The following CACNG5 variants were observed in gnomAD, a reference collection of about 807,000 sequenced individuals.
CACNG5 encodes calcium voltage-gated channel auxiliary subunit gamma 5.
Under a neutral mutation model 24.8 loss-of-function variants are expected in CACNG5, and 18 were observed. The observed-to-expected ratio is 0.73, with a 90% CI of 0.50 to 1.08. CACNG5 has a LOEUF of 1.08. Among genes scored for constraint, CACNG5 ranks in the 50% least tolerant of loss-of-function variants. CACNG5 has a pLI of 0.00. For synonymous variants in CACNG5, 157 were observed against 149.1 expected (o/e 1.05, Z -0.39); for missense variants, 349 against 367.9 (o/e 0.95, Z 0.42).
intron 1 of CACNG5, among the ~76,000 whole-genome samples, chr17:66,838,027 G>C (rs568608775): frequency 2.6e-5 from 4 of 152,092 alleles, no homozygotes; most frequent in Admixed American, 6.5e-5. Context: ...CAAAAGCATC[G>C]TTTCTTTTCA....
At chr17:66,843,691 G>T (rs149542724) in intron 1 of CACNG5, among the ~76,000 whole-genome samples, 1 of 152,212 alleles carries the variant, frequency 6.6e-6, no homozygotes, top group East Asian at 1.9e-4. Context: ...TCCATGAGCC[G>T]TTCGTGGGTG....
chr17:66,856,536 C>A (rs1322324130), intron 1 of CACNG5, among the ~76,000 whole-genome samples: 1 of 119,922 alleles, frequency 8.3e-6, no homozygotes, highest in Non-Finnish European at 1.7e-5. Context: ...CCTCGTGTTG[C>A]CCCCCCGCCT....
intron 1 of CACNG5, among the ~76,000 whole-genome samples, chr17:66,847,173 G>A (rs1329615870): frequency 6.6e-6 from 1 of 152,156 alleles, no homozygotes; most frequent in Non-Finnish European, 1.5e-5. Context: ...GCTCCTGTCT[G>A]TGTACCTGGC....
chr17:66,882,525 A>G (rs1977174505), intron 4 of CACNG5, among the ~76,000 whole-genome samples: 1 of 152,002 alleles, frequency 6.6e-6, no homozygotes, highest in African/African-American at 2.4e-5. Context: ...TGAGAAGGGG[A>G]AAGAAAACAG....
chr17:66,885,236 G>C lies in CACNG5; in HGVS notation c.824G>C (p.Cys275Ser), dbSNP rs1269749568. The C allele has an allele frequency of 6.3e-7, 1 of 1,577,698 alleles. No homozygotes were observed. The highest frequency in any genetic ancestry group is 1.2e-5 in the South Asian group (1 of 86,646). Residue 275 changes from cysteine to serine, a missense_variant, in exon 6 of 6, where the codon TGC becomes TCC. Cys to Ser is a moderately radical substitution (Grantham distance 112). Transcript: ENST00000533854. ...PDYDQMSSSP[C>S] is the part of the protein sequence containing the mutation. ...TATGATCAGATGTCCTCTTCACCCT[G>C]CTGAGCCTCGGCCGCCCCCATCCCT...
chr17:66,889,144 A>G lies in CACNG5; in HGVS notation c.*3904A>G, dbSNP rs1037658087. 2.6e-5 allele frequency among the ~76,000 whole-genome samples: 4 copies of G among 152,174 alleles called. No homozygotes were observed. Among genetic ancestry groups the G allele is most frequent in the Non-Finnish European group, 4.4e-5 (3 of 68,036 alleles). On this transcript the variant is annotated 3_prime_UTR_variant, in exon 6 of 6. Transcript: ENST00000533854. ...CCCAGCTAATTTTTTAATTTTTAGTAGAGATGGGGTTTCCCCATGTTGGCC... is the reference window on the plus strand; with the variant it reads ...CCCAGCTAATTTTTTAATTTTTAGTGGAGATGGGGTTTCCCCATGTTGGCC...
intron 1 of CACNG5, among the ~76,000 whole-genome samples, chr17:66,864,660 T>C (rs1304997464): frequency 6.6e-6 from 1 of 152,250 alleles, no homozygotes; most frequent in Non-Finnish European, 1.5e-5. Flanking sequence ...ATTTATTTTT[T>C]CATCAGCATC....
At chr17:66,842,264 G>A (rs1338973827) in intron 1 of CACNG5, among the ~76,000 whole-genome samples, 1 of 152,202 alleles carries the variant, frequency 6.6e-6, no homozygotes, top group Non-Finnish European at 1.5e-5. Flanking sequence ...TTTATATCTG[G>A]CCTGTACCAC....
chr17:66,838,735 G>A (rs1976518857), intron 1 of CACNG5, among the ~76,000 whole-genome samples: 1 of 152,090 alleles, frequency 6.6e-6, no homozygotes, highest in South Asian at 2.1e-4. Flanking sequence ...AATGATGATA[G>A]CAGCTCCTCA....
intron 1 of CACNG5, among the ~76,000 whole-genome samples, chr17:66,868,059 T>C (rs1976953798): frequency 6.6e-6 from 1 of 152,228 alleles, no homozygotes; most frequent in Non-Finnish European, 1.5e-5. Flanking sequence ...TTTATGCCCA[T>C]GCCTTTGGGG....
chr17:66,856,356 A>G (rs897286696), intron 1 of CACNG5, among the ~76,000 whole-genome samples: 23 of 152,188 alleles, frequency 1.5e-4, no homozygotes, highest in African/African-American at 5.3e-4. Flanking sequence ...GATACTGTAG[A>G]TTCACATGCA....
At chr17:66,872,156 GGT>G (rs1214570076) in intron 1 of CACNG5, among the ~76,000 whole-genome samples, 5 of 152,050 alleles carry the variant, frequency 3.3e-5, no homozygotes, top group Non-Finnish European at 7.4e-5. Flanking sequence ...CAACATTTTG[GGT>G]TATTTCTTTC....
chr17:66,843,316 GA>G (rs1432805397), intron 1 of CACNG5, among the ~76,000 whole-genome samples: 1 of 152,158 alleles, frequency 6.6e-6, no homozygotes, highest in African/African-American at 2.4e-5. Context: ...CAAAGGAGGG[GA>G]AAAGCTTGGA....
At chr17:66,847,085 C>A (rs1976646530) in intron 1 of CACNG5, among the ~76,000 whole-genome samples, 1 of 152,188 alleles carries the variant, frequency 6.6e-6, no homozygotes, top group Non-Finnish European at 1.5e-5. Context: ...ACTTAGCTAC[C>A]AACCTGTTCA....
rs1568076334 is a variant in CACNG5, at chr17:66,890,783, G to A, written c.*5543G>A. ...AGTGTAGATAAAATCACCTCATCAGGCTCTATCCCCAGACTCTATACCCAA... is the reference window on the plus strand; with the variant it reads ...AGTGTAGATAAAATCACCTCATCAGACTCTATCCCCAGACTCTATACCCAA... On this transcript the variant is annotated 3_prime_UTR_variant, in exon 6 of 6. Transcript: ENST00000533854. Among the ~76,000 whole-genome samples the A allele has an allele frequency of 6.6e-6, 1 of 151,936 alleles. No individual in the cohort carries two copies. Among genetic ancestry groups the A allele is most frequent in the East Asian group, 1.9e-4 (1 of 5,154 alleles).
chr17:66,844,650 C>T (rs1976611674), intron 1 of CACNG5, among the ~76,000 whole-genome samples: 1 of 151,846 alleles, frequency 6.6e-6, no homozygotes, highest in Non-Finnish European at 1.5e-5. Context: ...TATCAGTGGT[C>T]TCGGCCCCAC....
chr17:66,856,593 G>A (rs976807284), intron 1 of CACNG5, among the ~76,000 whole-genome samples: 3 of 150,200 alleles, frequency 2.0e-5, no homozygotes, highest in African/African-American at 7.4e-5. Context: ...CCAGGCTGGA[G>A]TGCAATGGCG....
chr17:66,845,461 T>TAAA (rs113767708), intron 1 of CACNG5, among the ~76,000 whole-genome samples: 51 of 147,704 alleles, frequency 3.5e-4, no homozygotes, highest in African/African-American at 7.5e-4. Context: ...AAGTAAAATT[T>TAAA]AAAAAAAAAA....
chr17:66,872,275 A>G (rs570507243), intron 1 of CACNG5, among the ~76,000 whole-genome samples: 21 of 152,328 alleles, frequency 1.4e-4, no homozygotes, highest in African/African-American at 4.8e-4. Context: ...TGTGATAGCA[A>G]CTTATAAAAA....
Sources: gnomAD v4.1 joint callset for allele counts (sites outside exome capture counted in the v4.1 genomes callset) on GRCh38, gnomAD v4.1.1 for gene constraint, MANE v1.5 for transcripts, NCBI Gene and HGNC (gene_info 2026-07-23, HGNC 2026-07-21) for gene names.